The following THUMPD3 variants were observed in gnomAD, a reference collection of about 807,000 sequenced individuals.
THUMPD3 encodes THUMP domain 3 tRNA guanosine methyltransferase.
In THUMPD3, 44 loss-of-function variants were observed where a neutral mutation model predicts 54.5. The observed-to-expected ratio is 0.81, with a 90% CI of 0.63 to 1.04. The LOEUF is 1.04. Ranked by LOEUF, THUMPD3 falls within the 50% of genes least tolerant of loss-of-function variation. The probability of loss-of-function intolerance (pLI) is 0.00; values close to 1 mark genes in which losing one functional copy is unlikely to be tolerated. For synonymous variants in THUMPD3, 196 were observed against 201.4 expected (o/e 0.97, Z 0.23); for missense variants, 604 against 601.3 (o/e 1.00, Z -0.05).
chr3:9,385,258 G>GT lies in THUMPD3; in HGVS notation c.*571dup, dbSNP rs1190525248. On this transcript the variant is annotated 3_prime_UTR_variant, in exon 10 of 10. Coordinates refer to ENST00000452837, the MANE Select transcript of THUMPD3 (RefSeq NM_001114092.2). ...CTAGTGAAAAGCCTACTAAAGTGCT[G>GT]TGAGATTGGGGTTTAGAACATTTTA... 2.6e-5 allele frequency: 4 copies of GT among 152,628 alleles called. No homozygotes were observed. Among genetic ancestry groups the GT allele is most frequent in the Admixed American group, 2.0e-4 (3 of 15,330 alleles). The allele number at this position is 152,628 out of a possible 1,614,324, so 9.5% of individuals were successfully genotyped here.
intron 5 of THUMPD3, among the ~76,000 whole-genome samples, chr3:9,376,783 G>A (rs1481594750): frequency 6.6e-6 from 1 of 152,196 alleles, no homozygotes; most frequent in African/African-American, 2.4e-5. Context: ...TAACAGTTAA[G>A]CCACTAACAG....
chr3:9,380,712 G>A (rs570476112), intron 7 of THUMPD3, 94 bp downstream of exon 7: 54 of 784,972 alleles, frequency 6.9e-5, no homozygotes, highest in South Asian at 6.4e-4. Flanking sequence ...GCATTGTGAC[G>A]TCATTGTAAC....
intron 6 of THUMPD3, among the ~76,000 whole-genome samples, chr3:9,379,478 C>A (rs1038979982): frequency 1.3e-5 from 2 of 152,192 alleles, no homozygotes; most frequent in Admixed American, 6.5e-5. Context: ...CACCCCTAAG[C>A]AGAGGCAGAC....
intron 5 of THUMPD3, among the ~76,000 whole-genome samples, chr3:9,375,455 A>G (rs2032391770): frequency 6.6e-6 from 1 of 152,068 alleles, no homozygotes; most frequent in African/African-American, 2.4e-5. Flanking sequence ...TCTCTCTTTT[A>G]TTGGGTGCTT....
chr3:9,380,367 C>T (rs2032785181), intron 6 of THUMPD3, 136 bp from the exon 7 acceptor site: 1 of 602,586 alleles, frequency 1.7e-6, no homozygotes, highest in African/African-American at 1.9e-5. Flanking sequence ...GCATTTTCAG[C>T]CAGGGAAATA....
chr3:9,381,728 T>A (rs1287241837), intron 7 of THUMPD3, among the ~76,000 whole-genome samples: 1 of 150,228 alleles, frequency 6.7e-6, no homozygotes, highest in African/African-American at 2.5e-5. Context: ...TTATCTTGTT[T>A]GTACCTACAC....
rs556498778 is a variant in THUMPD3 at position 9,381,936 on chromosome 3, T to C, written c.1125-1263T>C. Among the ~76,000 whole-genome samples the C allele has an allele frequency of 6.9e-4, 105 of 151,298 alleles. 1 individual carries two copies. In the South Asian group the frequency reaches 0.013, roughly 19 times the overall value. ...CTGGGACTACAGGCACCCGCCACCATGCCCGGCTTATTTTTTTTTTGTATT... is the reference window on the plus strand; with the variant it reads ...CTGGGACTACAGGCACCCGCCACCACGCCCGGCTTATTTTTTTTTTGTATT... On this transcript the variant is annotated intron_variant, in intron 7 of 9. Coordinates refer to ENST00000452837, the MANE Select transcript of THUMPD3 (RefSeq NM_001114092.2).
At chr3:9,378,595 A>C (rs1053301366) in intron 6 of THUMPD3, among the ~76,000 whole-genome samples, 2 of 152,240 alleles carry the variant, frequency 1.3e-5, no homozygotes, top group Admixed American at 1.3e-4. Context: ...ATTTGAATAA[A>C]CTGCAGGGAG....
chr3:9,380,048 C>T (rs1039664082), intron 6 of THUMPD3, among the ~76,000 whole-genome samples: 4 of 152,132 alleles, frequency 2.6e-5, no homozygotes, highest in Non-Finnish European at 4.4e-5. Context: ...ACTCCCACAA[C>T]CACAAATCTC....
intron 6 of THUMPD3, among the ~76,000 whole-genome samples, chr3:9,379,990 G>A (rs983388316): frequency 2.0e-5 from 3 of 152,042 alleles, no homozygotes; most frequent in South Asian, 2.1e-4. Context: ...ATGCCCGGCC[G>A]GAAATAGCAT....
Position 9,365,163 on chromosome 3 carries a change from G to A in THUMPD3, c.95G>A (p.Ser32Asn), listed in dbSNP as rs1208722440. 4 of 1,614,204 alleles carry A rather than the reference G, an allele frequency of 2.5e-6. No homozygotes were observed. In the South Asian group the frequency reaches 3.3e-5, roughly 13 times the overall value. The change falls in exon 2 of 10, where the codon AGT (serine) becomes AAT (asparagine). Residue 32 changes from serine (S) to asparagine (N), a missense_variant. Transcript: ENST00000452837. Reference protein sequence around the residue: ...SVQVTESDLGSESELLVTIGA... With the variant: ...SVQVTESDLGNESELLVTIGA... ...CAAGTGACAGAAAGTGACCTCGGAA[G>A]TGAATCTGAGCTTCTAGTCACTATT...
chr3:9,365,288 T>C lies in THUMPD3; in HGVS notation c.220T>C (p.Tyr74His). The C allele has an allele frequency of 1.2e-6, 2 of 1,614,218 alleles. No individual in the cohort carries two copies. The highest frequency in any genetic ancestry group is 1.7e-6 in the Non-Finnish European group (2 of 1,180,040). Residue 74 changes from tyrosine (Y) to histidine (H), a missense_variant, in exon 2 of 10, where the codon TAT becomes CAT. Coordinates refer to ENST00000452837, the MANE Select transcript of THUMPD3 (RefSeq NM_001114092.2). ...CKISRDRGKI[Y>H]FVISVESLAQ... ...AATCAGCAGAGACCGTGGCAAGATA[T>C]ATTTTGTCATTTCAGTGGAAAGTCT...
At chr3:9,377,700 A>T in intron 5 of THUMPD3, 119 bp from the exon 6 acceptor site, 1 of 716,536 alleles carries the variant, frequency 1.4e-6, no homozygotes, top group Non-Finnish European at 2.4e-6. Context: ...AAATATGTGT[A>T]GATTGGTGTT....
At chr3:9,367,061 T>G (rs1056191801) in intron 3 of THUMPD3, 76 bp downstream of exon 3, 1 of 1,230,654 alleles carries the variant, frequency 8.1e-7, no homozygotes, top group African/African-American at 1.5e-5. Flanking sequence ...TCATAGTCTG[T>G]GAAAGTTTAG....
Position 9,384,548 on chromosome 3 carries a change from T to G in THUMPD3, c.1384T>G (p.Trp462Gly). 1.2e-6 allele frequency: 2 copies of G among 1,614,240 alleles called. No homozygotes were observed. Among genetic ancestry groups the G allele is most frequent in the Non-Finnish European group, 1.7e-6 (2 of 1,180,048 alleles). Residue 462 changes from tryptophan (W) to glycine (G), a missense_variant, in exon 10 of 10, where the codon TGG becomes GGG. Physicochemically the swap from Trp to Gly is radical, Grantham distance 184. Transcript: ENST00000452837. ...GGCGTTATCTGGAATGCGACACGTA[T>G]GGCGAAAGGTGGATACAGTCTGGGT... is the stretch of plus-strand genomic sequence containing the variant. ...TKALSGMRHV[W>G]RKVDTVWVNV...
chr3:9,381,460 T>C (rs1559311054), intron 7 of THUMPD3, among the ~76,000 whole-genome samples: 1 of 152,150 alleles, frequency 6.6e-6, no homozygotes, highest in South Asian at 2.1e-4. Context: ...AGTCTGCATT[T>C]TCCAGGAAAC....
chr3:9,384,494 C>T (rs2033185207), intron 9 of THUMPD3, 30 bp from the exon 10 acceptor site: 6 of 1,612,326 alleles, frequency 3.7e-6, no homozygotes, highest in Non-Finnish European at 5.1e-6. Flanking sequence ...GATTGTCAAC[C>T]TAATTGTTAT....
intron 4 of THUMPD3, among the ~76,000 whole-genome samples, chr3:9,372,656 A>G (rs563156418): frequency 6.6e-6 from 1 of 152,210 alleles, no homozygotes; most frequent in Non-Finnish European, 1.5e-5. Context: ...TACTCATCCT[A>G]GAGTCAGCTC....
intron 3 of THUMPD3, among the ~76,000 whole-genome samples, chr3:9,370,182 AG>A: frequency 6.6e-6 from 1 of 152,324 alleles, no homozygotes; most frequent in South Asian, 2.1e-4. Flanking sequence ...TGAGGGTATC[AG>A]TATGCCCATT....
Sources: gnomAD v4.1 joint callset for allele counts (sites outside exome capture counted in the v4.1 genomes callset) on GRCh38, gnomAD v4.1.1 for gene constraint, MANE v1.5 for transcripts, NCBI Gene and HGNC (gene_info 2026-07-23, HGNC 2026-07-21) for gene names.